ZNRF3: variants seen among roughly 807,000 people sequenced by gnomAD.
ZNRF3 encodes E3 ubiquitin-protein ligase ZNRF3.
In ZNRF3, 23 loss-of-function variants were observed where a neutral mutation model predicts 72.5. The ratio of observed to expected loss-of-function variants is 0.32; its 90% confidence interval spans 0.23 to 0.45. ZNRF3 has a LOEUF of 0.45. Ranked by LOEUF, ZNRF3 falls within the 20% of genes least tolerant of loss-of-function variation. The pLI is 1.00. For synonymous variants in ZNRF3, 610 were observed against 545.3 expected (o/e 1.12, Z -1.65); for missense variants, 1,169 against 1,272.1 (o/e 0.92, Z 1.23).
intron 1 of ZNRF3, among the ~76,000 whole-genome samples, chr22:28,904,467 A>G (rs953315716): frequency 2.6e-5 from 4 of 152,242 alleles, no homozygotes; most frequent in African/African-American, 9.6e-5. Flanking sequence ...ACAGGCTCAC[A>G]TGTTGAAGCT....
chr22:29,006,611 G>A (rs951865139), intron 2 of ZNRF3, among the ~76,000 whole-genome samples: 1 of 152,134 alleles, frequency 6.6e-6, no homozygotes, highest in Non-Finnish European at 1.5e-5. Flanking sequence ...GTGGCCCCCT[G>A]CAGAAGACAC....
At chr22:28,964,648 G>A (rs552195830) in intron 1 of ZNRF3, among the ~76,000 whole-genome samples, 2 of 152,344 alleles carry the variant, frequency 1.3e-5, no homozygotes, top group East Asian at 3.9e-4. Context: ...GCTGTCGTGA[G>A]ACAGTGTCTC....
At chr22:28,897,830 A>G (rs190499261) in intron 1 of ZNRF3, among the ~76,000 whole-genome samples, 1 of 152,294 alleles carries the variant, frequency 6.6e-6, no homozygotes, top group East Asian at 1.9e-4. Flanking sequence ...TTGGATGTAA[A>G]ACATGTAAAT....
chr22:28,886,652 A>G (rs1284273395), intron 1 of ZNRF3, among the ~76,000 whole-genome samples: 2 of 152,164 alleles, frequency 1.3e-5, no homozygotes, highest in African/African-American at 4.8e-5. Context: ...ACTTCCTTTT[A>G]TTTACTATCT....
chr22:29,051,893 A>G (rs970924520), intron 8 of ZNRF3, among the ~76,000 whole-genome samples: 2 of 151,696 alleles, frequency 1.3e-5, no homozygotes, highest in Non-Finnish European at 2.9e-5. Flanking sequence ...AAAAAAAAAA[A>G]AAAAAACCTA....
At chr22:29,038,798 C>T (rs1469768640) in intron 2 of ZNRF3, among the ~76,000 whole-genome samples, 1 of 152,098 alleles carries the variant, frequency 6.6e-6, no homozygotes, top group Non-Finnish European at 1.5e-5. Flanking sequence ...GCAGGAAATA[C>T]AAACTGATTT....
At chr22:28,897,120 C>T (rs2034012170) in intron 1 of ZNRF3, among the ~76,000 whole-genome samples, 1 of 152,124 alleles carries the variant, frequency 6.6e-6, no homozygotes. Flanking sequence ...TCAGATTCAT[C>T]CTTCTAAAGT....
At chr22:28,892,522 G>C (rs1003236340) in intron 1 of ZNRF3, among the ~76,000 whole-genome samples, 1 of 152,140 alleles carries the variant, frequency 6.6e-6, no homozygotes, top group Non-Finnish European at 1.5e-5. Flanking sequence ...CCTTTCTAAC[G>C]GAATAGGAAG....
At chr22:28,934,543 C>T (rs543952919) in intron 1 of ZNRF3, among the ~76,000 whole-genome samples, 3 of 152,252 alleles carry the variant, frequency 2.0e-5, no homozygotes, top group South Asian at 4.1e-4. Flanking sequence ...TTAGGTTGGG[C>T]GCGGTGGCTC....
intron 1 of ZNRF3, among the ~76,000 whole-genome samples, chr22:28,947,292 C>CT (rs2035070337): frequency 6.6e-6 from 1 of 152,154 alleles, no homozygotes; most frequent in Admixed American, 6.5e-5. Flanking sequence ...TGTTTTCACT[C>CT]TGTTTATTAT....
At chr22:28,937,190 TATATATATATATATATATATATA>T (rs1329599490) in intron 1 of ZNRF3, among the ~76,000 whole-genome samples, 3 of 3,134 alleles carry the variant, frequency 9.6e-4, no homozygotes, top group African/African-American at 1.5e-3. Context: ...TATATATATA[TATATATATATATATATATATATA>T]TATTTTTTTT....
At chr22:28,918,537 C>CATGT (rs1451651910) in intron 1 of ZNRF3, among the ~76,000 whole-genome samples, 15 of 148,862 alleles carry the variant, frequency 1.0e-4, no homozygotes, top group African/African-American at 2.5e-4. Flanking sequence ...TGCATGTGTG[C>CATGT]GTGTGTGTGT....
intron 1 of ZNRF3, among the ~76,000 whole-genome samples, chr22:28,904,249 C>T (rs564403103): frequency 9.8e-5 from 15 of 152,292 alleles, no homozygotes; most frequent in African/African-American, 2.4e-4. Context: ...TGTTCTTTTA[C>T]GTTGCAGGCT....
intron 1 of ZNRF3, among the ~76,000 whole-genome samples, chr22:28,980,042 G>A (rs540801325): frequency 5.3e-5 from 8 of 152,330 alleles, no homozygotes; most frequent in East Asian, 1.9e-4. Context: ...TTGATGGAAC[G>A]TCTACTGGTG....
Position 28,991,096 on chromosome 22 carries a change from A to G in ZNRF3, c.426+3895A>G, listed in dbSNP as rs531746321. ...CAGGGATTTGAGACCAGCCTGGGCA[A>G]CATGGCAAAACACCATCTCTACAAA... is the stretch of plus-strand genomic sequence containing the variant. On this transcript the variant is annotated intron_variant, in intron 2 of 8. Transcript: ENST00000544604. Among the ~76,000 whole-genome samples the G allele has an allele frequency of 9.1e-4, 139 of 152,024 alleles. 3 individuals are homozygous for G. The highest frequency in any genetic ancestry group is 7.4e-4 in the Non-Finnish European group (50 of 67,982).
intron 1 of ZNRF3, among the ~76,000 whole-genome samples, chr22:28,953,070 T>G (rs566460973): frequency 9.9e-4 from 151 of 152,288 alleles, no homozygotes; most frequent in African/African-American, 3.2e-3. Flanking sequence ...CCCTACTTAC[T>G]TGCAGGAGGA....
intron 1 of ZNRF3, among the ~76,000 whole-genome samples, chr22:28,962,798 T>C (rs2123804635): frequency 6.6e-6 from 1 of 152,382 alleles, no homozygotes; most frequent in African/African-American, 2.4e-5. Flanking sequence ...TGCTGGTCTC[T>C]GGCTGAAATT....
chr22:28,957,143 T>C (rs764782045), intron 1 of ZNRF3, among the ~76,000 whole-genome samples: 1 of 152,212 alleles, frequency 6.6e-6, no homozygotes, highest in Non-Finnish European at 1.5e-5. Flanking sequence ...TTAAGTTTTA[T>C]GGTTTCGAGC....
intron 2 of ZNRF3, among the ~76,000 whole-genome samples, chr22:29,018,983 G>A (rs1223750508): frequency 1.3e-5 from 2 of 151,080 alleles, no homozygotes; most frequent in Non-Finnish European, 2.9e-5. Context: ...CTGGGACTGA[G>A]TGATCTAGGA....
Sources: gnomAD v4.1 joint callset for allele counts (sites outside exome capture counted in the v4.1 genomes callset) on GRCh38, gnomAD v4.1.1 for gene constraint, MANE v1.5 for transcripts, NCBI Gene and HGNC (gene_info 2026-07-23, HGNC 2026-07-21) for gene names.